Variants in UTP18 observed in about 807,000 individuals in gnomAD.
UTP18 encodes U3 small nucleolar RNA-associated protein 18 homolog.
In UTP18, 36 loss-of-function variants were observed where a neutral mutation model predicts 61.1. The ratio of observed to expected loss-of-function variants is 0.59; its 90% CI spans 0.45 to 0.78. UTP18 has a LOEUF of 0.78. Among genes scored for constraint, UTP18 ranks in the 30% least tolerant of loss-of-function variants. UTP18 has a pLI of 0.00. For synonymous variants in UTP18, 282 were observed against 251.1 expected (o/e 1.12, Z -1.16); for missense variants, 753 against 693.9 (o/e 1.09, Z -0.96).
At chr17:51,265,753 G>A (rs1372911963) in intron 2 of UTP18, among the ~76,000 whole-genome samples, 1 of 150,754 alleles carries the variant, frequency 6.6e-6, no homozygotes, top group African/African-American at 2.4e-5. Flanking sequence ...TAGTAGAGAT[G>A]GTGTTTCACC....
chr17:51,293,477 A>T (rs1327871093), intron 11 of UTP18, among the ~76,000 whole-genome samples: 1 of 146,904 alleles, frequency 6.8e-6, no homozygotes, highest in Admixed American at 7.1e-5. Flanking sequence ...ACTAATTTGT[A>T]AACTTTCTTA....
chr17:51,266,318 A>T, intron 3 of UTP18, 38 bp downstream of exon 3: 1 of 1,422,368 alleles, frequency 7.0e-7, no homozygotes, highest in Non-Finnish European at 9.5e-7. Context: ...CAAGAGGTGT[A>T]TGTAACCAAT....
At position 51,280,443 on chromosome 17, in the gene UTP18, T is replaced by C. The variant is rs1406547846; in HGVS notation, c.1168T>C (p.Phe390Leu). Residue 390 changes from phenylalanine to leucine, a missense_variant, in exon 9 of 14, where the codon TTC (phenylalanine) becomes CTC (leucine). Phe to Leu is a conservative substitution (Grantham distance 22, BLOSUM62 0). Coordinates refer to ENST00000225298, the MANE Select transcript of UTP18 (RefSeq NM_016001.3). ...KINGRVAAST[F>L]SSDSKKVYAS... ...TAATGGAAGGGTTGCAGCATCCACA[T>C]TCTCTTCAGATAGTAAGAAAGTATA... The C allele has an allele frequency of 1.2e-6, 2 of 1,614,216 alleles. No individual in the cohort carries two copies. Among genetic ancestry groups the C allele is most frequent in the Non-Finnish European group, 1.7e-6 (2 of 1,180,040 alleles).
intron 9 of UTP18, among the ~76,000 whole-genome samples, chr17:51,282,344 C>T (rs1479095963): frequency 6.6e-6 from 1 of 151,702 alleles, no homozygotes; most frequent in African/African-American, 2.4e-5. Flanking sequence ...TTGTTTTTGT[C>T]CTAGAATCAG....
chr17:51,261,653 C>T (rs1446957048), intron 1 of UTP18, among the ~76,000 whole-genome samples: 15 of 151,828 alleles, frequency 9.9e-5, no homozygotes, highest in Admixed American at 9.2e-4. Context: ...AGGAGATAAA[C>T]GAGTAAACTT....
At position 51,288,134 on chromosome 17, in the gene UTP18, T is replaced by C; in HGVS notation, c.1434T>C (p.Ser478=). 6.2e-7 allele frequency: 1 copy of C among 1,610,180 alleles called. No homozygotes were observed. The highest frequency in any genetic ancestry group is 8.5e-7 in the Non-Finnish European group (1 of 1,179,138). ...AIMNLVTGVT[S]LTFNPTTEIL... ...TGAACTTGGTTACAGGTGTTACTTCTCTGACCTTCAATCCTACTACAGAAA... is the reference window on the plus strand; with the variant it reads ...TGAACTTGGTTACAGGTGTTACTTCCCTGACCTTCAATCCTACTACAGAAA... The change falls in exon 11 of 14, where the codon TCT becomes TCC. Residue 478 remains serine (S), a synonymous_variant. Transcript: ENST00000225298.
Position 51,294,040 on chromosome 17 carries a change from G to A in UTP18, c.1641G>A (p.Met547Ile), listed in dbSNP as rs755903206. The change falls in exon 12 of 14, where the codon ATG becomes ATA. Residue 547 changes from methionine (M) to isoleucine (I), a missense_variant. Physicochemically the swap from Met to Ile is conservative, Grantham distance 10. Transcript: ENST00000225298. ...ALGNEKGKAL[M>I]YRLHHYSDF The stretch of plus-strand genomic sequence containing the variant: ...GGAATGAAAAGGGCAAGGCCCTGAT[G>A]TATAGGTAGGTATTATTTATGTTTA... 2 of 1,585,484 alleles carry A rather than the reference G, an allele frequency of 1.3e-6. No homozygotes were observed. Among genetic ancestry groups the A allele is most frequent in the East Asian group, 2.3e-5 (1 of 44,132 alleles).
At chr17:51,263,103 C>G (rs1241626698) in intron 1 of UTP18, among the ~76,000 whole-genome samples, 171 bp from the exon 2 acceptor site, 1 of 152,244 alleles carries the variant, frequency 6.6e-6, no homozygotes, top group African/African-American at 2.4e-5. Context: ...TCTCTGATTT[C>G]TCCATTTTCT....
chr17:51,280,368 AAAT>A lies in UTP18; in HGVS notation c.1114-16_1114-14del. 1 of 1,609,608 alleles carries A rather than the reference AAAT, an allele frequency of 6.2e-7. No individual in the cohort carries two copies. Among genetic ancestry groups the A allele is most frequent in the Non-Finnish European group, 8.5e-7 (1 of 1,176,658 alleles). On this transcript the variant is annotated intron_variant, in intron 8 of 13. Coordinates refer to ENST00000225298, the MANE Select transcript of UTP18 (RefSeq NM_016001.3). ...TCTGTATACTTTCTAACAGTTTGAT[AAAT>A]AATATTTATTGTTTTAGACCAAAGA... is the stretch of plus-strand genomic sequence containing the variant.
chr17:51,285,428 G>A, intron 10 of UTP18, 60 bp downstream of exon 10: 1 of 1,576,972 alleles, frequency 6.3e-7, no homozygotes, highest in Non-Finnish European at 8.7e-7. Context: ...ATATGTTGAG[G>A]AATTGAATAT....
In UTP18 at chr17:51,294,009, C is replaced by G; in HGVS notation, c.1610C>G (p.Ala537Gly). 6.2e-7 allele frequency: 1 copy of G among 1,608,952 alleles called. No individual in the cohort carries two copies. Among genetic ancestry groups the G allele is most frequent in the Non-Finnish European group, 8.5e-7 (1 of 1,177,780 alleles). Residue 537 changes from alanine to glycine, a missense_variant, in exon 12 of 14, where the codon GCC (alanine) becomes GGC (glycine). Ala to Gly is a moderately conservative substitution (Grantham distance 60, BLOSUM62 0). Coordinates refer to ENST00000225298, the MANE Select transcript of UTP18 (RefSeq NM_016001.3). ...MDFSPRSGYFALGNEKGKALM... is the reference protein window; with the variant it reads ...MDFSPRSGYFGLGNEKGKALM... ...TTTTCTCCGAGAAGTGGATACTTTGCCTTGGGGAATGAAAAGGGCAAGGCC... is the reference window on the plus strand; with the variant it reads ...TTTTCTCCGAGAAGTGGATACTTTGGCTTGGGGAATGAAAAGGGCAAGGCC...
At chr17:51,287,985 T>G (rs1905156586) in intron 10 of UTP18, 44 bp from the exon 11 acceptor site, 9 of 1,427,442 alleles carry the variant, frequency 6.3e-6, no homozygotes, top group Non-Finnish European at 8.3e-6. Context: ...GTGAAAGCCC[T>G]TTTACTTGGT....
intron 6 of UTP18, among the ~76,000 whole-genome samples, chr17:51,276,224 G>C (rs1267465692): frequency 6.6e-6 from 1 of 152,150 alleles, no homozygotes; most frequent in African/African-American, 2.4e-5. Flanking sequence ...TGTCGTCACT[G>C]TTTTCAATCA....
At chr17:51,273,528 A>G (rs933488346) in intron 5 of UTP18, 78 bp downstream of exon 5, 1 of 960,532 alleles carries the variant, frequency 1.0e-6, no homozygotes, top group Admixed American at 2.2e-5. Context: ...TAGCAGATGT[A>G]TGGATTCCTA....
chr17:51,263,777 G>C (rs1232070536), intron 2 of UTP18, among the ~76,000 whole-genome samples: 2 of 152,178 alleles, frequency 1.3e-5, no homozygotes, highest in African/African-American at 4.8e-5. Context: ...AATAGTACTT[G>C]TAGAACTTTT....
At chr17:51,269,328 C>CAAAAAA (rs1403113098) in intron 4 of UTP18, among the ~76,000 whole-genome samples, 3 of 100,420 alleles carry the variant, frequency 3.0e-5, no homozygotes, top group Non-Finnish European at 6.3e-5. Flanking sequence ...AAAAAAAAAC[C>CAAAAAA]AAAAAAATCT....
chr17:51,285,287 G>A lies in UTP18; in HGVS notation c.1247G>A (p.Cys416Tyr), dbSNP rs1905069141. The change falls in exon 10 of 14, where the codon TGC (cysteine) becomes TAC (tyrosine). Residue 416 changes from cysteine to tyrosine, a missense_variant. Coordinates refer to ENST00000225298, the MANE Select transcript of UTP18 (RefSeq NM_016001.3). ...GTTTGGGATGTGAACTCAAGGAAGT[G>A]CCTTAACAGATTTGTTGATGAAGGC... ...VYVWDVNSRK[C>Y]LNRFVDEGSL... 10 of 1,613,246 alleles carry A rather than the reference G, an allele frequency of 6.2e-6. No individual in the cohort carries two copies. The highest frequency in any genetic ancestry group is 8.5e-6 in the Non-Finnish European group (10 of 1,179,634).
chr17:51,265,384 C>T (rs1443230451), intron 2 of UTP18, among the ~76,000 whole-genome samples: 1 of 151,700 alleles, frequency 6.6e-6, no homozygotes, highest in East Asian at 1.9e-4. Context: ...CTGCCTCAGC[C>T]TCCTGAGTAG....
chr17:51,294,923 T>C (rs1905326502), intron 12 of UTP18, among the ~76,000 whole-genome samples: 1 of 152,244 alleles, frequency 6.6e-6, no homozygotes. Context: ...TATCTTATTG[T>C]GGTTTTTATT....
Sources: gnomAD v4.1 joint callset for allele counts (sites outside exome capture counted in the v4.1 genomes callset) on GRCh38, gnomAD v4.1.1 for gene constraint, MANE v1.5 for transcripts, NCBI Gene and HGNC (gene_info 2026-07-23, HGNC 2026-07-21) for gene names.